Variants in LYPLAL1 observed in about 807,000 individuals in gnomAD.
The protein encoded by LYPLAL1 is lysophospholipase like 1, also known as lysophospholipase-like protein 1.
LYPLAL1 carries 23 observed loss-of-function variants against 19.7 expected under a neutral mutation model. The ratio of observed to expected loss-of-function variants is 1.17; its 90% CI spans 0.84 to 1.65. The LOEUF (loss-of-function observed/expected upper bound fraction) is 1.65, where lower values mean the gene tolerates loss of function less well. Among genes scored for constraint, LYPLAL1 ranks in the 40% most tolerant of loss-of-function variants. The pLI is 0.00. For missense variants in LYPLAL1, 355 were observed against 279.4 expected (o/e 1.27, Z -1.93); for synonymous variants, 119 against 96.3 (o/e 1.24, Z -1.38).
At chr1:219,442,496 AC>A in the LYPLAL1 span, 1 of 152,160 alleles carries the variant, frequency 6.6e-6, no homozygotes, top group African/African-American at 2.4e-5. Flanking sequence ...TATGATGGGA[AC>A]TTTCATTGTC....
chr1:219,328,312 C>T, the LYPLAL1 span, among the ~76,000 whole-genome samples: 1 of 152,194 alleles, frequency 6.6e-6, no homozygotes, highest in South Asian at 2.1e-4. Flanking sequence ...ATTTCCTAAG[C>T]TGTTCTTGCA....
chr1:219,427,325 G>C, the LYPLAL1 span, among the ~76,000 whole-genome samples: 9 of 152,190 alleles, frequency 5.9e-5, no homozygotes, highest in Non-Finnish European at 1.3e-4. Flanking sequence ...AATAGGTCTA[G>C]AGAGAACATA....
At chr1:219,436,679 G>A in the LYPLAL1 span, among the ~76,000 whole-genome samples, 1 of 152,092 alleles carries the variant, frequency 6.6e-6, no homozygotes, top group Non-Finnish European at 1.5e-5. Flanking sequence ...GGCTAAGTGT[G>A]TTACCATTTC....
chr1:219,306,107 A>G, the LYPLAL1 span, among the ~76,000 whole-genome samples: 1 of 152,234 alleles, frequency 6.6e-6, no homozygotes, highest in Non-Finnish European at 1.5e-5. Context: ...CATACAGAAC[A>G]TATAAATATA....
the LYPLAL1 span, among the ~76,000 whole-genome samples, chr1:219,219,482 A>T: frequency 6.6e-6 from 1 of 152,184 alleles, no homozygotes; most frequent in African/African-American, 2.4e-5. Context: ...GGAACAGGTG[A>T]CCATGTCCTC....
the LYPLAL1 span, among the ~76,000 whole-genome samples, chr1:219,235,915 T>A: frequency 5.9e-5 from 9 of 152,292 alleles, no homozygotes; most frequent in East Asian, 1.7e-3. Context: ...TTGTTTGGTG[T>A]TTCAACAATA....
At chr1:219,282,937 G>T in the LYPLAL1 span, among the ~76,000 whole-genome samples, 1 of 152,068 alleles carries the variant, frequency 6.6e-6, no homozygotes, top group African/African-American at 2.4e-5. Flanking sequence ...AGGAATGAAA[G>T]TTATCATTCT....
At chr1:219,264,737 G>C in the LYPLAL1 span, among the ~76,000 whole-genome samples, 5 of 152,278 alleles carry the variant, frequency 3.3e-5, no homozygotes, top group East Asian at 9.7e-4. Context: ...GTTTTCCTTT[G>C]CATTTTACAA....
At chr1:219,380,344 C>T in the LYPLAL1 span, among the ~76,000 whole-genome samples, 1 of 152,228 alleles carries the variant, frequency 6.6e-6, no homozygotes, top group African/African-American at 2.4e-5. Context: ...TGAATAGAAA[C>T]AGCCCCAGAC....
chr1:219,346,460 A>ATT, the LYPLAL1 span, among the ~76,000 whole-genome samples: 658 of 136,278 alleles, frequency 4.8e-3, 3 homozygotes, highest in South Asian at 0.03. Context: ...GTCAATTTCT[A>ATT]TTTTTTTTTT....
At chr1:219,380,268 C>T in the LYPLAL1 span, among the ~76,000 whole-genome samples, 1 of 152,082 alleles carries the variant, frequency 6.6e-6, no homozygotes, top group Non-Finnish European at 1.5e-5. Context: ...GAGCAGGAGT[C>T]GTCAGGGAGA....
intron 2 of LYPLAL1, among the ~76,000 whole-genome samples, chr1:219,183,824 T>C (rs1656496148): frequency 1.3e-5 from 2 of 151,946 alleles, no homozygotes; most frequent in Non-Finnish European, 2.9e-5. Flanking sequence ...TTTATTTATC[T>C]ACTGTTGTTG....
At chr1:219,206,867 G>A (rs1658612939) in intron 3 of LYPLAL1, among the ~76,000 whole-genome samples, 1 of 151,664 alleles carries the variant, frequency 6.6e-6, no homozygotes, top group African/African-American at 2.4e-5. Flanking sequence ...TCTTTTTAAT[G>A]TAAGTTTTTG....
the LYPLAL1 span, among the ~76,000 whole-genome samples, chr1:219,338,453 G>A: frequency 3.3e-5 from 5 of 152,026 alleles, no homozygotes; most frequent in Admixed American, 2.6e-4. Flanking sequence ...GTCAGTTTGG[G>A]TTTGGTTATC....
At chr1:219,282,343 A>G in the LYPLAL1 span, among the ~76,000 whole-genome samples, 1 of 152,112 alleles carries the variant, frequency 6.6e-6, no homozygotes, top group Non-Finnish European at 1.5e-5. Flanking sequence ...GAAAAAATAT[A>G]TCATAGATCT....
chr1:219,443,355 A>G, the LYPLAL1 span, among the ~76,000 whole-genome samples: 1 of 152,214 alleles, frequency 6.6e-6, no homozygotes, highest in Non-Finnish European at 1.5e-5. Flanking sequence ...TAGCAATGCC[A>G]ATCATAACCT....
Position 219,175,191 on chromosome 1 carries a change from A to G in LYPLAL1, c.91+1210A>G, listed in dbSNP as rs1011691084. The stretch of plus-strand genomic sequence containing the variant: ...TACTGTGAGTAGTGGCGGATTTGGG[A>G]TTAGAACCCAAAGCTCTCCGACCTC... On this transcript the variant is annotated intron_variant, in intron 1 of 4. Transcript: ENST00000366928. 6.9e-6 allele frequency: 5 copies of G among 725,114 alleles called. No individual in the cohort carries two copies. The East Asian group carries it at 6.6e-4, about 96-fold the overall frequency. The allele number at this position is 725,114 out of a possible 1,614,324, so 44.9% of individuals were successfully genotyped here.
At chr1:219,373,863 C>CAAAAAAAAAA in the LYPLAL1 span, among the ~76,000 whole-genome samples, 87 of 102,194 alleles carry the variant, frequency 8.5e-4, no homozygotes, top group Non-Finnish European at 1.4e-3. Flanking sequence ...ATAAAATTGT[C>CAAAAAAAAAA]AAAAAAAAAA....
chr1:219,286,442 C>A, the LYPLAL1 span, among the ~76,000 whole-genome samples: 1 of 152,112 alleles, frequency 6.6e-6, no homozygotes. Flanking sequence ...CAATAGCTAT[C>A]CCTGGCTTGC....
Sources: allele counts gnomAD v4.1 joint callset (sites outside exome capture counted in the v4.1 genomes callset), GRCh38; gene constraint gnomAD v4.1.1; transcripts MANE v1.5; gene names NCBI Gene and HGNC (gene_info 2026-07-23, HGNC 2026-07-21).